Variants in DNAH12 observed in about 807,000 individuals in gnomAD.
DNAH12 encodes dynein axonemal heavy chain 12.
A neutral mutation model predicts 371.5 loss-of-function variants in DNAH12; 285 were observed. The ratio of observed to expected loss-of-function variants is 0.77; its 90% CI spans 0.70 to 0.85. The LOEUF (loss-of-function observed/expected upper bound fraction) is 0.85. Among genes scored for constraint, DNAH12 ranks in the 40% least tolerant of loss-of-function variants. DNAH12 has a pLI of 0.00. For synonymous variants in DNAH12, 1,200 were observed against 1,213.0 expected (o/e 0.99, Z 0.22); for missense variants, 3,611 against 3,689.4 (o/e 0.98, Z 0.55).
rs1575706530 is a variant in DNAH12 at position 57,509,226 on chromosome 3, A to C, written c.470-14T>G. On this transcript the variant is annotated splice_polypyrimidine_tract_variant and intron_variant, in intron 5 of 73. Transcript: ENST00000495027. ...GAACGCTCTGCACTAAAATACATGG[A>C]TATATTAATGCTTCTTGAAAATCTC... 1 of 1,604,142 alleles carries C rather than the reference A, an allele frequency of 6.2e-7. No individual in the cohort carries two copies. The highest frequency in any genetic ancestry group is 2.2e-5 in the East Asian group (1 of 44,800).
rs78999749 is a variant in DNAH12, at chr3:57,414,267, A to G, written c.5854-355T>C. On this transcript the variant is annotated intron_variant, in intron 38 of 73. Coordinates refer to ENST00000495027, the MANE Select transcript of DNAH12 (RefSeq NM_001366028.2). ...AATTGTTACACATGTATATTTATGT[A>G]TTATCTTTGTATAGTATATGCATGT... 6.5e-3 allele frequency among the ~76,000 whole-genome samples: 994 copies of G among 152,290 alleles called. 13 individuals carry two copies. Among genetic ancestry groups the G allele is most frequent in the African/African-American group, 0.023 (951 of 41,562 alleles).
intron 67 of DNAH12, among the ~76,000 whole-genome samples, chr3:57,310,314 A>G (rs1480023792): frequency 6.6e-6 from 1 of 152,218 alleles, no homozygotes; most frequent in Non-Finnish European, 1.5e-5. Context: ...GCCCAAGTAC[A>G]ACTGCATCGT....
At chr3:57,431,792 CTA>C (rs2064963107) in intron 32 of DNAH12, among the ~76,000 whole-genome samples, 1 of 152,170 alleles carries the variant, frequency 6.6e-6, no homozygotes, top group South Asian at 2.1e-4. Context: ...AGAAGTGCTT[CTA>C]TGTTTTCCTA....
intron 72 of DNAH12, 92 bp from the exon 73 acceptor site, chr3:57,295,684 G>C: frequency 1.9e-6 from 2 of 1,064,916 alleles, no homozygotes; most frequent in Non-Finnish European, 2.6e-6. Context: ...TTTACTAAAA[G>C]AAAGGACTAG....
chr3:57,502,548 A>G, intron 9 of DNAH12, 69 bp from the exon 10 acceptor site: 4 of 1,230,266 alleles, frequency 3.3e-6, no homozygotes, highest in Non-Finnish European at 4.4e-6. Context: ...CTATATGTAG[A>G]TCTTTTTTTT....
chr3:57,445,081 C>T, intron 28 of DNAH12, 93 bp downstream of exon 28: 1 of 1,361,902 alleles, frequency 7.3e-7, no homozygotes. Flanking sequence ...AAGCTCAACC[C>T]TCTCAAGTGC....
At chr3:57,298,152 T>A (rs1473939456) in intron 70 of DNAH12, among the ~76,000 whole-genome samples, 3 of 152,180 alleles carry the variant, frequency 2.0e-5, no homozygotes, top group Non-Finnish European at 4.4e-5. Flanking sequence ...AGTCCAAGCT[T>A]CTCAGTCCAG....
intron 2 of DNAH12, among the ~76,000 whole-genome samples, chr3:57,542,299 A>T (rs953494883): frequency 6.6e-6 from 1 of 152,098 alleles, no homozygotes; most frequent in Non-Finnish European, 1.5e-5. Context: ...ACTTTCAGGG[A>T]CCAGTATGGT....
chr3:57,421,649 G>A lies in DNAH12; in HGVS notation c.5431C>T (p.Arg1811Cys), dbSNP rs1195038562. 7.1e-6 allele frequency: 11 copies of A among 1,551,314 alleles called. No individual in the cohort carries two copies. The highest frequency in any genetic ancestry group is 3.6e-5 in the South Asian group (3 of 84,038). ...SIGGSCDTDGRRVFDTFIRLI... is the reference protein window; with the variant it reads ...SIGGSCDTDGCRVFDTFIRLI... ...CGTATGAAAGTATCAAAAACACGAC[G>A]GCCATCTGTATCACAACTTCCTCCA... The change falls in exon 36 of 74, where the codon CGT (arginine) becomes TGT (cysteine). Residue 1811 changes from arginine (R) to cysteine (C), a missense_variant. This residue lies in a region of DNAH12 where 2,266 missense variants were observed against 2,236.9 expected (regional missense o/e 1.01). Coordinates refer to ENST00000495027, the MANE Select transcript of DNAH12 (RefSeq NM_001366028.2).
Position 57,433,750 on chromosome 3 carries a change from A to C in DNAH12, c.4734T>G (p.Asn1578Lys). 1.3e-6 allele frequency: 2 copies of C among 1,551,448 alleles called. No individual in the cohort carries two copies. Among genetic ancestry groups the C allele is most frequent in the East Asian group, 2.4e-5 (1 of 40,896 alleles). Residue 1578 changes from asparagine (N) to lysine (K), a missense_variant, in exon 31 of 74, where the codon AAT (asparagine) becomes AAG (lysine). By Grantham distance (94) the Asn-to-Lys change is moderately conservative. Coordinates refer to ENST00000495027, the MANE Select transcript of DNAH12 (RefSeq NM_001366028.2). ...TTTCTTCCTCTCCATAGCCATGTTCATTCATTAAAGTTAGCGTATCCGCCA... is the reference window on the plus strand; with the variant it reads ...TTTCTTCCTCTCCATAGCCATGTTCCTTCATTAAAGTTAGCGTATCCGCCA... ...HVLADTLTLMNEHGYGEEEKV... is the reference protein window; with the variant it reads ...HVLADTLTLMKEHGYGEEEKV...
chr3:57,513,652 A>G (rs2068079740), intron 4 of DNAH12, among the ~76,000 whole-genome samples: 1 of 152,226 alleles, frequency 6.6e-6, no homozygotes, highest in African/African-American at 2.4e-5. Context: ...ATAAACTAAC[A>G]TTTCACAATA....
chr3:57,450,156 G>C (rs929796025), intron 25 of DNAH12, among the ~76,000 whole-genome samples: 7 of 151,122 alleles, frequency 4.6e-5, no homozygotes, highest in Non-Finnish European at 8.8e-5. Context: ...GCTGAGGCAG[G>C]AGAATCACTT....
chr3:57,519,699 C>G, intron 4 of DNAH12: 1 of 1,610,466 alleles, frequency 6.2e-7, no homozygotes, highest in Non-Finnish European at 8.5e-7. Flanking sequence ...CCACCCAGTC[C>G]TGCTGGCAGA....
chr3:57,403,164 C>T (rs1172162456), intron 43 of DNAH12, 145 bp downstream of exon 43: 5 of 808,506 alleles, frequency 6.2e-6, no homozygotes, highest in Non-Finnish European at 9.0e-6. Context: ...CAGAACTCAA[C>T]ACACACAGTA....
chr3:57,316,955 T>C (rs754732252), intron 65 of DNAH12, among the ~76,000 whole-genome samples: 1 of 152,230 alleles, frequency 6.6e-6, no homozygotes, highest in Non-Finnish European at 1.5e-5. Flanking sequence ...ACTAATTCAA[T>C]GACCTCAATA....
At position 57,323,484 on chromosome 3, in the gene DNAH12, C is replaced by T; in HGVS notation, c.10114G>A (p.Ala3372Thr). ...ATGCACTTACTGGCCATAGGATCTG[C>T]TCCTGGAGATAGAACAAAAATTAAG... ...IPLIFVLSPG[A>T]DPMASLLKFA... The change falls in exon 63 of 74, where the codon GCA becomes ACA. Residue 3372 changes from alanine (A) to threonine (T), a missense_variant. Around this residue, in one of 3 missense-constraint regions of DNAH12, gnomAD observed 2,266 missense variants for 2,236.9 expected, o/e 1.01. Transcript: ENST00000495027. The T allele has an allele frequency of 3.9e-6, 6 of 1,548,016 alleles. No individual in the cohort carries two copies. Among genetic ancestry groups the T allele is most frequent in the Non-Finnish European group, 5.2e-6 (6 of 1,146,020 alleles).
chr3:57,527,773 G>C (rs967585923), intron 2 of DNAH12, among the ~76,000 whole-genome samples: 1 of 152,100 alleles, frequency 6.6e-6, no homozygotes, highest in Non-Finnish European at 1.5e-5. Context: ...TATATATTAC[G>C]GTTATTAATC....
At chr3:57,418,590 T>C (rs1317852082) in intron 37 of DNAH12, among the ~76,000 whole-genome samples, 2 of 150,384 alleles carry the variant, frequency 1.3e-5, no homozygotes, top group East Asian at 1.9e-4. Flanking sequence ...GAATTGGCAA[T>C]TGTCTTCCTT....
In DNAH12 at chr3:57,389,839, T is replaced by TATATATATATATATATAAAA. The variant is rs1326237791; in HGVS notation, c.7305+2032_7305+2033insTTTTATATATATATATATAT. Among the ~76,000 whole-genome samples the TATATATATATATATATAAAA allele has an allele frequency of 8.7e-4, 74 of 84,768 alleles. 3 individuals are homozygous for TATATATATATATATATAAAA. Among genetic ancestry groups the TATATATATATATATATAAAA allele is most frequent in the Admixed American group, 5.7e-3 (44 of 7,784 alleles). 55.6% of individuals were successfully genotyped at this position (84,768 alleles called of 152,430 possible). A position where few individuals can be genotyped will look rare whatever the true frequency, so the allele number is the denominator to read the frequency against. ...GTGTGTGTGTATATATATATATATA[T>TATATATATATATATATAAAA]AATACTTTTTTTTTTGAAATGGAGT... On this transcript the variant is annotated intron_variant, in intron 45 of 73. Coordinates refer to ENST00000495027, the MANE Select transcript of DNAH12 (RefSeq NM_001366028.2).
Sources: gnomAD v4.1 joint callset for allele counts (sites outside exome capture counted in the v4.1 genomes callset) on GRCh38, gnomAD v4.1.1 for gene constraint, gnomAD v4.1.1 regional missense constraint, MANE v1.5 for transcripts, NCBI Gene and HGNC (gene_info 2026-07-23, HGNC 2026-07-21) for gene names.